The following PLCB1 variants were observed in gnomAD, a reference collection of about 807,000 sequenced individuals.
PLCB1 encodes the protein phospholipase C beta 1.
Under a neutral mutation model 161.8 loss-of-function variants are expected in PLCB1, and 46 were observed. That is an observed-to-expected ratio of 0.28 (90% CI 0.22 to 0.36). The LOEUF is 0.36. Among genes scored for constraint, PLCB1 ranks in the 10% least tolerant of loss-of-function variants. The probability of loss-of-function intolerance (pLI) is 1.00; values close to 1 mark genes in which losing one functional copy is unlikely to be tolerated. For synonymous variants in PLCB1, 517 were observed against 503.7 expected, an observed-to-expected ratio of 1.03 and a Z score of -0.35; for missense variants, 1,016 against 1,472.5, an observed-to-expected ratio of 0.69 and a Z score of 5.07.
intron 25 of PLCB1, 140 bp downstream of exon 25, chr20:8,760,600 C>CTTT: frequency 1.8e-6 from 1 of 567,284 alleles, no homozygotes; most frequent in East Asian, 3.0e-5. Flanking sequence ...TAGAGACATA[C>CTTT]ACTTTTAGTT....
At chr20:8,617,597 ATTGT>A (rs1041022995) in intron 3 of PLCB1, among the ~76,000 whole-genome samples, 7 of 151,890 alleles carry the variant, frequency 4.6e-5, no homozygotes, top group Non-Finnish European at 1.0e-4. Flanking sequence ...TTTGTTATTT[ATTGT>A]TTGTTTTGAT....
At chr20:8,747,044 T>A (rs1368380524) in intron 23 of PLCB1, among the ~76,000 whole-genome samples, 1 of 152,224 alleles carries the variant, frequency 6.6e-6, no homozygotes, top group Non-Finnish European at 1.5e-5. Context: ...AATTTTCTGG[T>A]AACCTTTAGC....
At chr20:8,491,384 G>A (rs1306662634) in intron 3 of PLCB1, among the ~76,000 whole-genome samples, 3 of 151,942 alleles carry the variant, frequency 2.0e-5, no homozygotes, top group East Asian at 1.9e-4. Context: ...AAATTTGAAC[G>A]TTTTTCAGAC....
chr20:8,834,300 T>C (rs1162577783), intron 31 of PLCB1, among the ~76,000 whole-genome samples: 2 of 151,534 alleles, frequency 1.3e-5, no homozygotes, highest in Non-Finnish European at 2.9e-5. Context: ...AGTTTTCTGG[T>C]TTAATAGGAT....
At position 8,319,655 on chromosome 20, in the gene PLCB1, C is replaced by G. The variant is rs956855269; in HGVS notation, c.178-51727C>G. 3.3e-5 allele frequency among the ~76,000 whole-genome samples: 5 copies of G among 152,054 alleles called. No homozygotes were observed. The South Asian group carries it at 1.0e-3, about 32-fold the overall frequency. On this transcript the variant is annotated intron_variant, in intron 2 of 31. Coordinates refer to ENST00000338037, the MANE Select transcript of PLCB1 (RefSeq NM_015192.4). ...TCCACCAGAGCTATTCACAAGCTGA[C>G]TTGGAACAGTTTATTCCAACCTTGG...
chr20:8,503,878 T>G (rs2122823435), intron 3 of PLCB1, among the ~76,000 whole-genome samples: 1 of 152,310 alleles, frequency 6.6e-6, no homozygotes, highest in South Asian at 2.1e-4. Flanking sequence ...TGTAAAAGTT[T>G]CATTCACTCG....
At chr20:8,184,486 A>G (rs2051879319) in intron 2 of PLCB1, among the ~76,000 whole-genome samples, 1 of 152,066 alleles carries the variant, frequency 6.6e-6, no homozygotes, top group African/African-American at 2.4e-5. Context: ...CTTCTTTTTT[A>G]CTTTACCATC....
intron 3 of PLCB1, among the ~76,000 whole-genome samples, chr20:8,491,427 C>A (rs1179837888): frequency 6.6e-6 from 1 of 152,064 alleles, no homozygotes. Context: ...TGCCTCTCCC[C>A]CTCTTTCAAG....
chr20:8,168,163 A>G (rs1009057468), intron 2 of PLCB1, among the ~76,000 whole-genome samples: 1 of 152,214 alleles, frequency 6.6e-6, no homozygotes, highest in East Asian at 1.9e-4. Context: ...TGCCAAAGCA[A>G]ATCATTCATA....
chr20:8,824,983 T>C (rs765351524), intron 31 of PLCB1, among the ~76,000 whole-genome samples: 4 of 152,146 alleles, frequency 2.6e-5, no homozygotes, highest in Non-Finnish European at 4.4e-5. Context: ...TTGGAGTAGC[T>C]TGGGCTTGCA....
rs1988090998 is a variant in PLCB1, at chr20:8,884,086, A to G, written c.*2237A>G. ...AAAACTGTTTTGGTAGTTGGATTTC[A>G]TTATCTTAGTGAATTTAGTCATTTT... On this transcript the variant is annotated 3_prime_UTR_variant, in exon 32 of 32. Coordinates refer to ENST00000338037, the MANE Select transcript of PLCB1 (RefSeq NM_015192.4). The G allele has an allele frequency of 6.6e-6, 1 of 152,264 alleles. No homozygotes were observed. The highest frequency in any genetic ancestry group is 2.1e-4 in the South Asian group (1 of 4,824). 9.4% of individuals were successfully genotyped at this position (152,264 alleles called of 1,614,324 possible).
chr20:8,311,270 C>G (rs765536641), intron 2 of PLCB1, among the ~76,000 whole-genome samples: 11 of 152,140 alleles, frequency 7.2e-5, no homozygotes, highest in Non-Finnish European at 1.2e-4. Context: ...TTATCAAAGA[C>G]TTAGAAAAAC....
chr20:8,455,697 G>T (rs1981285765), intron 3 of PLCB1, among the ~76,000 whole-genome samples: 1 of 152,068 alleles, frequency 6.6e-6, no homozygotes, highest in African/African-American at 2.4e-5. Flanking sequence ...AGTAGACTTT[G>T]GTTGGGATTA....
In PLCB1 at chr20:8,459,416, C is replaced by T. The variant is rs75272496; in HGVS notation, c.246+87966C>T. The stretch of plus-strand genomic sequence containing the variant: ...TCTTTTATAACCAGATGCTTGAACC[C>T]CTAGTCTGCCATGTATTGCTGCTGC... On this transcript the variant is annotated intron_variant, in intron 3 of 31. Transcript: ENST00000338037. 7.2e-3 allele frequency among the ~76,000 whole-genome samples: 1,089 copies of T among 152,196 alleles called. 11 individuals carry two copies. Among genetic ancestry groups the T allele is most frequent in the Admixed American group, 0.013 (206 of 15,288 alleles).
chr20:8,322,653 G>C (rs1984971174), intron 2 of PLCB1, among the ~76,000 whole-genome samples: 1 of 152,104 alleles, frequency 6.6e-6, no homozygotes, highest in South Asian at 2.1e-4. Flanking sequence ...AAGAGCCTTA[G>C]ATCATCAGAC....
chr20:8,447,980 G>T (rs1384905844), intron 3 of PLCB1, among the ~76,000 whole-genome samples: 1 of 152,210 alleles, frequency 6.6e-6, no homozygotes, highest in Non-Finnish European at 1.5e-5. Context: ...CCTTGGCAAA[G>T]GTCCTGAGAC....
At chr20:8,406,832 T>C (rs550828130) in intron 3 of PLCB1, among the ~76,000 whole-genome samples, 6 of 152,214 alleles carry the variant, frequency 3.9e-5, no homozygotes, top group Non-Finnish European at 8.8e-5. Context: ...CTTTCTGGCT[T>C]TTTAAAATCC....
rs72078385 is a variant in PLCB1, at chr20:8,685,570, CA to C, written c.1009+509del. On this transcript the variant is annotated intron_variant, in intron 10 of 31. Coordinates refer to ENST00000338037, the MANE Select transcript of PLCB1 (RefSeq NM_015192.4). ...GAAACCCCTGTCTCTACTAAAAATA[CA>C]AAAAAAAAAAAAAAAATCAGCCAGG... is the stretch of plus-strand genomic sequence containing the variant. 3.5e-3 allele frequency among the ~76,000 whole-genome samples: 429 copies of C among 121,564 alleles called. 5 individuals are homozygous for C. The highest frequency in any genetic ancestry group is 0.029 in the Admixed American group (318 of 11,036). 79.8% of individuals were successfully genotyped at this position (121,564 alleles called of 152,430 possible). A position where few individuals can be genotyped will look rare whatever the true frequency, so the allele number is the denominator to read the frequency against.
intron 2 of PLCB1, among the ~76,000 whole-genome samples, chr20:8,155,565 G>A (rs1198644405): frequency 1.3e-5 from 2 of 152,198 alleles, no homozygotes. Context: ...CATCATAAAT[G>A]TCAACAAGAA....
Sources: gnomAD v4.1 joint callset for allele counts (sites outside exome capture counted in the v4.1 genomes callset) on GRCh38, gnomAD v4.1.1 for gene constraint, MANE v1.5 for transcripts, NCBI Gene and HGNC (gene_info 2026-07-23, HGNC 2026-07-21) for gene names.